PRRT1: variants seen among roughly 807,000 people sequenced by gnomAD.
PRRT1 encodes proline-rich transmembrane protein 1.
Under a neutral mutation model 22.6 loss-of-function variants are expected in PRRT1, and 8 were observed. That is an observed-to-expected ratio of 0.35 (90% CI 0.21 to 0.64). The LOEUF (loss-of-function observed/expected upper bound fraction) is 0.64. PRRT1 is among the 30% of genes least tolerant of loss of function. The pLI is 0.69. For missense variants in PRRT1, 315 were observed against 444.5 expected (o/e 0.71, Z 2.62); for synonymous variants, 176 against 203.6 (o/e 0.86, Z 1.15).
At chr6:32,151,147 C>G (rs888413366) in intron 1 of PRRT1, 2 of 692,072 alleles carry the variant, frequency 2.9e-6, no homozygotes, top group Non-Finnish European at 5.2e-6. Flanking sequence ...TGGTCTGCTT[C>G]TTTTCTGTCT....
In PRRT1 at chr6:32,151,799, T is replaced by A; in HGVS notation, c.19+10A>T. ...GTGGAGGGGGTGGGAGGTTTTGTTATTGTTTTTACCTGACTTTTCGGATGA... is the reference window on the plus strand; with the variant it reads ...GTGGAGGGGGTGGGAGGTTTTGTTAATGTTTTTACCTGACTTTTCGGATGA... On this transcript the variant is annotated intron_variant, in intron 1 of 3. Transcript: ENST00000211413. 6.2e-7 allele frequency: 1 copy of A among 1,607,232 alleles called. No individual in the cohort carries two copies. The highest frequency in any genetic ancestry group is 8.5e-7 in the Non-Finnish European group (1 of 1,176,714).
chr6:32,151,259 G>A (rs1023283430), intron 1 of PRRT1: 8 of 551,442 alleles, frequency 1.5e-5, no homozygotes, highest in Non-Finnish European at 2.6e-5. Flanking sequence ...CTGTGTGTGC[G>A]TATGCGTAGA....
intron 1 of PRRT1, 117 bp downstream of exon 1, chr6:32,151,692 G>A (rs1398182674): frequency 4.7e-6 from 3 of 637,962 alleles, no homozygotes; most frequent in South Asian, 1.7e-5. Flanking sequence ...GAGAGCTGGA[G>A]AGAAGGGGAA....
chr6:32,149,275 T>G lies in PRRT1; in HGVS notation c.868A>C (p.Thr290Pro), dbSNP rs1387178709. The G allele has an allele frequency of 6.2e-7, 1 of 1,611,038 alleles. No individual in the cohort carries two copies. Among genetic ancestry groups the G allele is most frequent in the East Asian group, 2.2e-5 (1 of 44,816 alleles). Residue 290 changes from threonine to proline, a missense_variant, in exon 4 of 4, where the codon ACC (threonine) becomes CCC (proline). Physicochemically the swap from Thr to Pro is conservative, Grantham distance 38. This residue lies in a region of PRRT1 where 24 missense variants were observed against 38.2 expected (regional missense o/e 0.63). Transcript: ENST00000211413. The surrounding 1 kb of genome is among the most constrained non-coding windows in gnomAD (Gnocchi z 8.7). The part of the protein sequence containing the change: ...IAAMVLCTIL[T>P]VVIIIAAQHH... ...TGCGCGGCGATGATGATGACTACGG[T>G]GAGGATGGTACAGAGCACCATGGCC...
intron 1 of PRRT1, chr6:32,151,427 T>C: frequency 2.4e-6 from 1 of 424,436 alleles, no homozygotes. Flanking sequence ...AGAAGAGCCC[T>C]CTGGATTTTG....
chr6:32,151,951 C>CGGGGGGGGGGGGGGGGGGGGGGGGGGGGG, upstream of PRRT1: 3 of 214,886 alleles, frequency 1.4e-5, no homozygotes, highest in Non-Finnish European at 8.4e-6. Context: ...AAGGCAGCGG[C>CGGGGGGGGGGGGGGGGGGGGGGGGGGGGG]GGGGGGGGGG....
At chr6:32,152,000 G>GGGGGGGGGC, upstream of PRRT1, 1 of 350,438 alleles carries the variant, frequency 2.9e-6, no homozygotes. Context: ...GGGAGGGGGG[G>GGGGGGGGGC]AGCTTAAAGG....
At chr6:32,151,963 G>C (rs1201611613), upstream of PRRT1, 129 of 278,404 alleles carry the variant, frequency 4.6e-4, no homozygotes, top group African/African-American at 1.2e-3. Context: ...GGGGGGGGGG[G>C]CGGGGGGGGC....
In PRRT1 at chr6:32,148,705, G is replaced by A. The variant is rs1432748245; in HGVS notation, c.*517C>T. The A allele has an allele frequency of 1.1e-5, 5 of 437,254 alleles. No individual in the cohort carries two copies. The highest frequency in any genetic ancestry group is 3.4e-4 in the Middle Eastern group (1 of 2,962). 27.1% of individuals were successfully genotyped at this position (437,254 alleles called of 1,614,324 possible). A position where few individuals can be genotyped will look rare whatever the true frequency, so the allele number is the denominator to read the frequency against. On this transcript the variant is annotated 3_prime_UTR_variant, in exon 4 of 4. Transcript: ENST00000211413. This position sits in a 1 kb window ranked among gnomAD's most constrained non-coding sequence, Gnocchi z 5.7. ...GTACTTGCAAAAAACAGGAGTGTGGGGGCCTTACTACCCCAGGGCTCGGTC... is the reference window on the plus strand; with the variant it reads ...GTACTTGCAAAAAACAGGAGTGTGGAGGCCTTACTACCCCAGGGCTCGGTC...
chr6:32,149,447 C>A lies in PRRT1; in HGVS notation c.745-49G>T. ...GAGGTCAAAGAGCTGCGGCCTCGTT[C>A]GAACGCCTCAGCCTTTCTCTAAGAT... On this transcript the variant is annotated intron_variant, in intron 3 of 3. Transcript: ENST00000211413. This position sits in a 1 kb window ranked among gnomAD's most constrained non-coding sequence, Gnocchi z 8.7. 1 of 1,593,776 alleles carries A rather than the reference C, an allele frequency of 6.3e-7. No individual in the cohort carries two copies. The highest frequency in any genetic ancestry group is 8.6e-7 in the Non-Finnish European group (1 of 1,167,808).
In PRRT1 at chr6:32,149,744, G is replaced by T; in HGVS notation, c.559-22C>A. 1.3e-6 allele frequency: 2 copies of T among 1,498,308 alleles called. No individual in the cohort carries two copies. Among genetic ancestry groups the T allele is most frequent in the Non-Finnish European group, 1.8e-6 (2 of 1,113,684 alleles). 92.8% of individuals were successfully genotyped at this position (1,498,308 alleles called of 1,614,324 possible). A position where few individuals can be genotyped will look rare whatever the true frequency, so the allele number is the denominator to read the frequency against. On this transcript the variant is annotated intron_variant, in intron 2 of 3. Transcript: ENST00000211413. The surrounding 1 kb of genome is among the most constrained non-coding windows in gnomAD (Gnocchi z 8.7). Reference sequence around the variant, plus strand: ...ATGGCTGTGGAAGGAAATTTGGGGGGCAGGGGCATCACTCTGACCCTCTCC... The same window carrying T: ...ATGGCTGTGGAAGGAAATTTGGGGGTCAGGGGCATCACTCTGACCCTCTCC...
In PRRT1 at chr6:32,148,447, G is replaced by T. The variant is rs1476795673; in HGVS notation, c.*775C>A. 3.9e-6 allele frequency: 1 copy of T among 259,014 alleles called. No homozygotes were observed. The highest frequency in any genetic ancestry group is 2.2e-5 in the African/African-American group (1 of 45,356). 16.0% of individuals were successfully genotyped at this position (259,014 alleles called of 1,614,324 possible). On this transcript the variant is annotated 3_prime_UTR_variant, in exon 4 of 4. Transcript: ENST00000211413. This position sits in a 1 kb window ranked among gnomAD's most constrained non-coding sequence, Gnocchi z 5.7. Reference sequence around the variant, plus strand: ...GAACAAGGCGGGGCCGCCGAGGGGAGCGGGGAGCGGGGACTTGGGAGGTCC... The same window carrying T: ...GAACAAGGCGGGGCCGCCGAGGGGATCGGGGAGCGGGGACTTGGGAGGTCC...
chr6:32,150,864 T>G lies in PRRT1; in HGVS notation c.62A>C (p.Asn21Thr). Reference protein sequence around the residue: ...SVPHTSPPPYNAPQPPAEPPA... With the variant: ...SVPHTSPPPYTAPQPPAEPPA... ...GGGTTCGGCTGGAGGCTGAGGGGCA[T>G]TGTAGGGCGGCGGAGAAGTGTGAGG... The change falls in exon 2 of 4, where the codon AAT (asparagine) becomes ACT (threonine). Residue 21 changes from asparagine to threonine, a missense_variant. By Grantham distance (65) the Asn-to-Thr change is moderately conservative. Coordinates refer to ENST00000211413, the MANE Select transcript of PRRT1 (RefSeq NM_030651.4). This position sits in a 1 kb window ranked among gnomAD's most constrained non-coding sequence, Gnocchi z 7.2. 1 of 1,583,762 alleles carries G rather than the reference T, an allele frequency of 6.3e-7. No homozygotes were observed. Among genetic ancestry groups the G allele is most frequent in the Non-Finnish European group, 8.6e-7 (1 of 1,168,080 alleles).
At chr6:32,151,951 C>CGGGGGGGGGGGGTGGGGGGGGGGG, upstream of PRRT1, 1 of 214,888 alleles carries the variant, frequency 4.7e-6, no homozygotes, top group South Asian at 2.8e-5. Context: ...AAGGCAGCGG[C>CGGGGGGGGGGGGTGGGGGGGGGGG]GGGGGGGGGG....
chr6:32,151,976 G>GGGGGGGGGGGGGGGGGGGGGGGGGGGGT, upstream of PRRT1: 2 of 271,014 alleles, frequency 7.4e-6, no homozygotes, highest in South Asian at 2.5e-5. Context: ...GGGGGGGCGG[G>GGGGGGGGGGGGGGGGGGGGGGGGGGGGT]CGGAGGGAGA....
chr6:32,150,647 A>G lies in PRRT1; in HGVS notation c.279T>C (p.Ala93=), dbSNP rs1783211523. ...RPPHHAPPGP[A]AGAPPPGCAT... ...CGCAGCCGGGTGGGGGTGCCCCGGC[A>G]GCAGGGCCGGGAGGGGCGTGGTGGG... The change falls in exon 2 of 4, where the codon GCT becomes GCC. Residue 93 remains alanine, a synonymous_variant. Transcript: ENST00000211413. The surrounding 1 kb of genome is among the most constrained non-coding windows in gnomAD (Gnocchi z 7.2). The G allele has an allele frequency of 2.1e-6, 3 of 1,410,612 alleles. No homozygotes were observed. The highest frequency in any genetic ancestry group is 3.0e-5 in the African/African-American group (2 of 66,744). 87.4% of individuals were successfully genotyped at this position (1,410,612 alleles called of 1,614,324 possible). A position where few individuals can be genotyped will look rare whatever the true frequency, so the allele number is the denominator to read the frequency against.
rs1783220040 is a variant in PRRT1 at position 32,150,740 on chromosome 6, C to T, written c.186G>A (p.Gly62=). Residue 62 remains glycine, a synonymous_variant, in exon 2 of 4, where the codon GGG becomes GGA. Transcript: ENST00000211413. The surrounding 1 kb of genome is among the most constrained non-coding windows in gnomAD (Gnocchi z 7.2). ...CGGTGGCCGCGGAAGAGGCCAGGCC[C>T]CCTGCCCCTAAGCGCGGGAGGGTGG... ...GTATLPRLGA[G]GLASSAATAQ... is the part of the protein sequence containing the mutation. 1.3e-6 allele frequency: 2 copies of T among 1,519,594 alleles called. No individual in the cohort carries two copies. The highest frequency in any genetic ancestry group is 2.7e-5 in the African/African-American group (2 of 73,388). The allele number at this position is 1,519,594 out of a possible 1,614,324, so 94.1% of individuals were successfully genotyped here.
upstream of PRRT1, chr6:32,152,071 G>T: frequency 1.4e-6 from 1 of 707,054 alleles, no homozygotes. Flanking sequence ...CTCTGCTCTC[G>T]GACCACCTCT....
Position 32,150,988 on chromosome 6 carries a change from C to A in PRRT1, c.20-82G>T. ...AGGAGGGGGTAAGGGGAAACACAGC[C>A]GGTCAGGGATGGAGAAAGATAATGG... On this transcript the variant is annotated intron_variant, in intron 1 of 3. Transcript: ENST00000211413. The surrounding 1 kb of genome is among the most constrained non-coding windows in gnomAD (Gnocchi z 7.2). 8.9e-7 allele frequency: 1 copy of A among 1,125,174 alleles called. No homozygotes were observed. Among genetic ancestry groups the A allele is most frequent in the Non-Finnish European group, 1.3e-6 (1 of 770,282 alleles). The allele number at this position is 1,125,174 out of a possible 1,614,324, so 69.7% of individuals were successfully genotyped here.
Sources: gnomAD v4.1 joint callset for allele counts on GRCh38, gnomAD v4.1.1 for gene constraint, gnomAD v4.1.1 regional missense constraint, Gnocchi (gnomAD v3.1) non-coding constraint, MANE v1.5 for transcripts, NCBI Gene and HGNC (gene_info 2026-07-23, HGNC 2026-07-21) for gene names.